Variants in MROH2B observed in about 807,000 individuals in gnomAD.
MROH2B encodes the protein maestro heat like repeat family member 2B, also known as maestro heat-like repeat-containing protein family member 2B.
MROH2B carries 177 observed loss-of-function variants against 208.6 expected under a neutral mutation model. That is an observed-to-expected ratio of 0.85 (90% CI 0.75 to 0.96). The LOEUF is 0.96. Among genes scored for constraint, MROH2B ranks in the 40% least tolerant of loss-of-function variants. The pLI, the probability that MROH2B is intolerant of heterozygous loss-of-function variation, is 0.00. For missense variants in MROH2B, 2,002 were observed against 1,878.7 expected (o/e 1.07, Z -1.21); for synonymous variants, 728 against 659.0 (o/e 1.10, Z -1.60).
At chr5:41,005,727 A>C in intron 34 of MROH2B, 82 bp from the exon 35 acceptor site, 1 of 1,191,366 alleles carries the variant, frequency 8.4e-7, no homozygotes, top group Non-Finnish European at 1.2e-6. Flanking sequence ...CAGGCAAGTA[A>C]TTTGTCTAAA....
intron 12 of MROH2B, 91 bp from the exon 13 acceptor site, chr5:41,051,181 A>T: frequency 1.5e-6 from 1 of 679,536 alleles, no homozygotes; most frequent in Non-Finnish European, 2.2e-6. Flanking sequence ...ACTCTGGAGT[A>T]GAGGATGTAG....
intron 37 of MROH2B, 36 bp from the exon 38 acceptor site, chr5:41,000,869 C>T (rs1392127620): frequency 6.3e-7 from 1 of 1,583,002 alleles, no homozygotes; most frequent in Non-Finnish European, 8.6e-7. Flanking sequence ...TGAATATCCT[C>T]TCAGAGGCCA....
chr5:41,003,316 T>G (rs375259201), intron 37 of MROH2B, among the ~76,000 whole-genome samples: 3 of 152,122 alleles, frequency 2.0e-5, no homozygotes, highest in East Asian at 1.9e-4. Flanking sequence ...GAAAGATGTT[T>G]TCAAAGGCCA....
At chr5:41,062,563 G>A (rs369675244) in intron 5 of MROH2B, among the ~76,000 whole-genome samples, 20 of 152,122 alleles carry the variant, frequency 1.3e-4, no homozygotes, top group African/African-American at 4.3e-4. Context: ...TTTGGGCCAC[G>A]AATCCATATA....
rs1338787500 is a variant in MROH2B, at chr5:41,012,617, A to G, written c.3101T>C (p.Val1034Ala). The change falls in exon 30 of 42, where the codon GTC becomes GCC. Residue 1034 changes from valine to alanine, a missense_variant. Physicochemically the swap from Val to Ala is moderately conservative, Grantham distance 64. Transcript: ENST00000399564. Reference protein sequence around the residue: ...TKACGIWMITVLKQQGAALED... With the variant: ...TKACGIWMITALKQQGAALED... ...CAGAGCAGCTCCCTGCTGCTTCAGG[A>G]CAGTGATCATCCATATGCCACAGGC... The G allele has an allele frequency of 6.2e-7, 1 of 1,613,708 alleles. No homozygotes were observed. Among genetic ancestry groups the G allele is most frequent in the South Asian group, 1.1e-5 (1 of 91,036 alleles).
intron 10 of MROH2B, among the ~76,000 whole-genome samples, chr5:41,055,169 C>A (rs894985979): frequency 6.6e-6 from 1 of 152,160 alleles, no homozygotes; most frequent in Non-Finnish European, 1.5e-5. Flanking sequence ...AATCAAAGTG[C>A]TAACTGAATG....
At chr5:41,039,761 C>T (rs1368733203) in intron 19 of MROH2B, among the ~76,000 whole-genome samples, 2 of 152,094 alleles carry the variant, frequency 1.3e-5, no homozygotes, top group Non-Finnish European at 2.9e-5. Context: ...GTAAACACAT[C>T]AATTCAGTAA....
chr5:41,031,125 A>G (rs895216577), intron 24 of MROH2B, among the ~76,000 whole-genome samples: 14 of 152,136 alleles, frequency 9.2e-5, no homozygotes, highest in African/African-American at 3.4e-4. Context: ...AATACCCGAG[A>G]CTAGGTAATT....
intron 37 of MROH2B, among the ~76,000 whole-genome samples, chr5:41,001,462 A>C (rs1741394320): frequency 6.6e-6 from 1 of 152,182 alleles, no homozygotes; most frequent in African/African-American, 2.4e-5. Context: ...CTGTAATCCC[A>C]GCACTTTGGG....
chr5:41,005,590 A>T lies in MROH2B; in HGVS notation c.3805T>A (p.Ser1269Thr). The change falls in exon 35 of 42, where the codon TCA becomes ACA. Residue 1269 changes from serine (S) to threonine (T), a missense_variant. By Grantham distance (58) the Ser-to-Thr change is moderately conservative. Transcript: ENST00000399564. ...VILDIMEQLLSSLTSSSENYR... is the reference protein window; with the variant it reads ...VILDIMEQLLTSLTSSSENYR... ...TTCTCCGAGGAGGAGGTAAGAGATG[A>T]GAGCAGCTGTTCCATGATGTCCAGT... is the stretch of plus-strand genomic sequence containing the variant. The T allele has an allele frequency of 6.2e-7, 1 of 1,612,044 alleles. No individual in the cohort carries two copies. Among genetic ancestry groups the T allele is most frequent in the Admixed American group, 1.7e-5 (1 of 59,834 alleles).
rs1008398342 is a variant in MROH2B at position 41,039,434 on chromosome 5, A to G, written c.2061+14T>C. On this transcript the variant is annotated intron_variant, in intron 20 of 41. Transcript: ENST00000399564. Reference sequence around the variant, plus strand: ...TTGCAATACTGAGAATTTGAAGGAGATGATTCTTCTTACCTTACATCGATT... The same window carrying G: ...TTGCAATACTGAGAATTTGAAGGAGGTGATTCTTCTTACCTTACATCGATT... 1 of 1,481,786 alleles carries G rather than the reference A, an allele frequency of 6.7e-7. No homozygotes were observed. Among genetic ancestry groups the G allele is most frequent in the African/African-American group, 1.4e-5 (1 of 72,170 alleles). The allele number at this position is 1,481,786 out of a possible 1,614,324, so 91.8% of individuals were successfully genotyped here.
intron 24 of MROH2B, among the ~76,000 whole-genome samples, chr5:41,021,536 AC>A (rs976884057): frequency 8.5e-5 from 13 of 152,194 alleles, no homozygotes; most frequent in African/African-American, 3.1e-4. Flanking sequence ...TGATTTCAAA[AC>A]TTTTTACAAA....
chr5:41,018,478 A>G (rs528188543), intron 26 of MROH2B, 48 bp from the exon 27 acceptor site: 6 of 1,565,678 alleles, frequency 3.8e-6, no homozygotes, highest in Non-Finnish European at 5.2e-6. Flanking sequence ...CTTCATATTC[A>G]TCTAGTTTCA....
chr5:41,062,591 T>C (rs753164306), intron 5 of MROH2B, among the ~76,000 whole-genome samples: 2 of 152,242 alleles, frequency 1.3e-5, no homozygotes, highest in Non-Finnish European at 2.9e-5. Context: ...ATGAAATGCA[T>C]AAAATAATAA....
Position 41,070,831 on chromosome 5 carries a change from A to T in MROH2B, c.22T>A (p.Ser8Thr). 1 of 1,611,022 alleles carries T rather than the reference A, an allele frequency of 6.2e-7. No homozygotes were observed. The highest frequency in any genetic ancestry group is 1.1e-5 in the South Asian group (1 of 90,446). MTLSTEE[S>T]IEMFGDINLT... ...AGGATCTGATGATGCTTACCTATGG[A>T]TTCCTCTGTACTAAGTGTCATGTCT... The change falls in exon 1 of 42, where the codon TCC (serine) becomes ACC (threonine). Residue 8 changes from serine to threonine, a missense_variant. Transcript: ENST00000399564.
chr5:41,046,253 C>T (rs568235507), intron 17 of MROH2B, among the ~76,000 whole-genome samples: 6 of 150,792 alleles, frequency 4.0e-5, no homozygotes, highest in East Asian at 1.9e-4. Flanking sequence ...ACCCCAAACA[C>T]GATGGAGATT....
In MROH2B at chr5:41,005,582, A is replaced by T; in HGVS notation, c.3813T>A (p.Leu1271=). Residue 1271 remains leucine (L), a synonymous_variant, in exon 35 of 42, where the codon CTT becomes CTA. Transcript: ENST00000399564. ...LDIMEQLLSS[L]TSSSENYRIT... is the part of the protein sequence containing the mutation. ...TCCGGTAGTTCTCCGAGGAGGAGGT[A>T]AGAGATGAGAGCAGCTGTTCCATGA... is the stretch of plus-strand genomic sequence containing the variant. 6.2e-7 allele frequency: 1 copy of T among 1,611,600 alleles called. No homozygotes were observed. The highest frequency in any genetic ancestry group is 1.1e-5 in the South Asian group (1 of 90,174).
At position 41,061,560 on chromosome 5, in the gene MROH2B, G is replaced by A; in HGVS notation, c.615+10C>T. 1.2e-6 allele frequency: 2 copies of A among 1,600,072 alleles called. No individual in the cohort carries two copies. The highest frequency in any genetic ancestry group is 1.7e-6 in the Non-Finnish European group (2 of 1,173,102). ...GACATCCAGCTTGAGGCATCCTGAG[G>A]CCCACTCACCTGCATGGGTGAGGCC... On this transcript the variant is annotated intron_variant, in intron 6 of 41. Transcript: ENST00000399564.
At chr5:41,005,224 T>G (rs1463583142) in intron 35 of MROH2B, 1 of 527,114 alleles carries the variant, frequency 1.9e-6, no homozygotes, top group Admixed American at 3.4e-5. Flanking sequence ...TTGGCTGGAA[T>G]AGTCTTCAGG....
Sources: allele counts gnomAD v4.1 joint callset (sites outside exome capture counted in the v4.1 genomes callset), GRCh38; gene constraint gnomAD v4.1.1; transcripts MANE v1.5; gene names NCBI Gene and HGNC (gene_info 2026-07-23, HGNC 2026-07-21).